EPHA5: variants seen among roughly 807,000 people sequenced by gnomAD.
EPHA5 encodes the protein EPH receptor A5.
EPHA5 carries 60 observed loss-of-function variants against 105.0 expected under a neutral mutation model. That is an observed-to-expected ratio of 0.57 (90% confidence interval 0.46 to 0.71). EPHA5 has a LOEUF of 0.71. Ranked by LOEUF, EPHA5 falls within the 30% of genes least tolerant of loss-of-function variation. The pLI is 0.00. For missense variants in EPHA5, 1,218 were observed against 1,274.7 expected (o/e 0.96, Z 0.68); for synonymous variants, 513 against 449.1 (o/e 1.14, Z -1.80).
intron 8 of EPHA5, among the ~76,000 whole-genome samples, chr4:65,374,045 T>C (rs535346753): frequency 6.6e-6 from 1 of 151,940 alleles, no homozygotes; most frequent in Non-Finnish European, 1.5e-5. Context: ...CATTAGAAAG[T>C]AGAGACATTA....
chr4:65,369,140 C>T (rs1718210351), intron 8 of EPHA5, among the ~76,000 whole-genome samples: 1 of 152,056 alleles, frequency 6.6e-6, no homozygotes, highest in African/African-American at 2.4e-5. Flanking sequence ...GCACCTGACT[C>T]AGAGTTGGCA....
chr4:65,573,545 G>T, intron 3 of EPHA5: 2 of 1,598,136 alleles, frequency 1.3e-6, no homozygotes, highest in Non-Finnish European at 1.7e-6. Context: ...AGGTGAAAAA[G>T]GGTAACCTCA....
At chr4:65,615,196 A>C (rs1439613629) in intron 2 of EPHA5, among the ~76,000 whole-genome samples, 1 of 151,786 alleles carries the variant, frequency 6.6e-6, no homozygotes, top group Non-Finnish European at 1.5e-5. Flanking sequence ...TATGTAATGA[A>C]AGTCTCAAAA....
chr4:65,462,669 T>C (rs1369243565), intron 5 of EPHA5, among the ~76,000 whole-genome samples: 1 of 152,148 alleles, frequency 6.6e-6, no homozygotes, highest in African/African-American at 2.4e-5. Flanking sequence ...CAGATAGTGG[T>C]GGTCTCAACG....
intron 3 of EPHA5, among the ~76,000 whole-genome samples, chr4:65,595,998 T>G (rs1743142607): frequency 6.6e-6 from 1 of 152,178 alleles, no homozygotes; most frequent in Non-Finnish European, 1.5e-5. Flanking sequence ...ATATTAATTT[T>G]TACTCAGAAT....
At chr4:65,446,751 G>T (rs1051133732) in intron 5 of EPHA5, among the ~76,000 whole-genome samples, 2 of 152,142 alleles carry the variant, frequency 1.3e-5, no homozygotes, top group African/African-American at 4.8e-5. Flanking sequence ...GGGATTGGGG[G>T]TCATTGTATG....
At chr4:65,600,283 A>G (rs1490738203) in intron 3 of EPHA5, among the ~76,000 whole-genome samples, 4 of 152,170 alleles carry the variant, frequency 2.6e-5, no homozygotes, top group Admixed American at 6.6e-5. Flanking sequence ...CTTTTCCCCA[A>G]TAAGCTTTTA....
At chr4:65,553,211 A>G in intron 3 of EPHA5, among the ~76,000 whole-genome samples, 1 of 152,108 alleles carries the variant, frequency 6.6e-6, no homozygotes, top group East Asian at 1.9e-4. Context: ...TTAAGCTCAT[A>G]GAAAGAAGAA....
chr4:65,562,555 A>G (rs928581552), intron 3 of EPHA5, among the ~76,000 whole-genome samples: 2 of 152,214 alleles, frequency 1.3e-5, no homozygotes, highest in African/African-American at 2.4e-5. Context: ...AAAATTCATA[A>G]GAGAATGTTT....
rs554537240 is a variant in EPHA5 at position 65,320,760 on chromosome 4, T to C, written c.*3354A>G. On this transcript the variant is annotated 3_prime_UTR_variant, in exon 17 of 17. Transcript: ENST00000613740. ...GAAACATGAAACTGTGTCTTCACTT[T>C]TTTACACTGGTCAAAACTCTTTTAC... is the stretch of plus-strand genomic sequence containing the variant. 1.3e-4 allele frequency: 31 copies of C among 230,144 alleles called. No homozygotes were observed. The highest frequency in any genetic ancestry group is 2.4e-4 in the Non-Finnish European group (28 of 116,074). 14.3% of individuals were successfully genotyped at this position (230,144 alleles called of 1,614,324 possible).
rs1721639160 is a variant in EPHA5, at chr4:65,399,859, G to C, written c.1793+4515C>G. 2.6e-5 allele frequency among the ~76,000 whole-genome samples: 4 copies of C among 152,140 alleles called. No individual in the cohort carries two copies. The South Asian group carries it at 8.3e-4, about 31-fold the overall frequency. On this transcript the variant is annotated intron_variant, in intron 8 of 16. Transcript: ENST00000613740. ...TTAATCCCATAATGAAGGTTGTATT[G>C]AGAAAGGTTCCAAAAAGAGATTGCT...
chr4:65,420,582 A>G lies in EPHA5; in HGVS notation c.1403-17T>C, dbSNP rs1723853584. 6 of 1,610,838 alleles carry G rather than the reference A, an allele frequency of 3.7e-6. No individual in the cohort carries two copies. In the South Asian group the frequency reaches 6.6e-5, roughly 18 times the overall value. On this transcript the variant is annotated splice_polypyrimidine_tract_variant and intron_variant, in intron 5 of 16. Coordinates refer to ENST00000613740, the MANE Select transcript of EPHA5 (RefSeq NM_001281766.3). ...GAGATGGAGCTGCAAAATAGTTTAA[A>G]TAAGGAGCAGTATGATTAATAAGGC...
rs1426935256 is a variant in EPHA5, at chr4:65,324,087, A to T, written c.*27T>A. The T allele has an allele frequency of 6.8e-7, 1 of 1,472,466 alleles. No homozygotes were observed. The highest frequency in any genetic ancestry group is 1.4e-5 in the African/African-American group (1 of 71,700). The allele number at this position is 1,472,466 out of a possible 1,614,324, so 91.2% of individuals were successfully genotyped here. On this transcript the variant is annotated 3_prime_UTR_variant, in exon 17 of 17. Coordinates refer to ENST00000613740, the MANE Select transcript of EPHA5 (RefSeq NM_001281766.3). ...CTGTTTACAAAGTGCAGAATCATTCACTTGAAGAAGCGACATTTACATGAA... is the reference window on the plus strand; with the variant it reads ...CTGTTTACAAAGTGCAGAATCATTCTCTTGAAGAAGCGACATTTACATGAA...
At chr4:65,668,789 C>A (rs901499872) in intron 1 of EPHA5, among the ~76,000 whole-genome samples, 5 of 152,056 alleles carry the variant, frequency 3.3e-5, no homozygotes, top group Admixed American at 2.6e-4. Context: ...AGGTCTTTTC[C>A]GTCTTTAAGA....
chr4:65,392,054 C>T (rs536200128), intron 8 of EPHA5, among the ~76,000 whole-genome samples: 23 of 152,192 alleles, frequency 1.5e-4, no homozygotes, highest in African/African-American at 4.8e-4. Flanking sequence ...AACCCTCTTA[C>T]GTTCAGTTTC....
Position 65,490,739 on chromosome 4 carries a change from A to G in EPHA5, c.1067-27T>C, listed in dbSNP as rs753479564. On this transcript the variant is annotated intron_variant, in intron 4 of 16. Transcript: ENST00000613740. ...TGGTTTACAAAGTAAAGTAAGAAAA[A>G]CATATTTTAAGATGGTATTAATTAG... 6 of 1,600,078 alleles carry G rather than the reference A, an allele frequency of 3.7e-6. No individual in the cohort carries two copies. The African/African-American group carries it at 8.0e-5, about 21-fold the overall frequency.
chr4:65,407,113 A>G (rs1207976683), intron 7 of EPHA5, among the ~76,000 whole-genome samples: 1 of 152,082 alleles, frequency 6.6e-6, no homozygotes. Flanking sequence ...TTAAATATCT[A>G]AAATATCATT....
intron 9 of EPHA5, among the ~76,000 whole-genome samples, chr4:65,366,935 C>A (rs904028426): frequency 6.6e-6 from 1 of 151,264 alleles, no homozygotes; most frequent in Admixed American, 6.6e-5. Flanking sequence ...GCCACAGGAC[C>A]TGTTCAGGTA....
chr4:65,481,774 G>A (rs1428152637), intron 5 of EPHA5, among the ~76,000 whole-genome samples: 1 of 152,132 alleles, frequency 6.6e-6, no homozygotes, highest in African/African-American at 2.4e-5. Flanking sequence ...ACCAAGAAAG[G>A]ATTTTAATTC....
Sources: gnomAD v4.1 joint callset for allele counts (sites outside exome capture counted in the v4.1 genomes callset) on GRCh38, gnomAD v4.1.1 for gene constraint, MANE v1.5 for transcripts, NCBI Gene and HGNC (gene_info 2026-07-23, HGNC 2026-07-21) for gene names.